The following HPSE2 variants were observed in gnomAD, a reference collection of about 807,000 sequenced individuals.
The protein encoded by HPSE2 is inactive heparanase-2.
A neutral mutation model predicts 60.5 loss-of-function variants in HPSE2; 38 were observed. The ratio of observed to expected loss-of-function variants is 0.63; its 90% CI spans 0.48 to 0.82. The LOEUF (loss-of-function observed/expected upper bound fraction) is 0.82, where lower values mean the gene tolerates loss of function less well. HPSE2 is among the 40% of genes least tolerant of loss of function. HPSE2 has a pLI of 0.00. For missense variants in HPSE2, 713 were observed against 740.4 expected (o/e 0.96, Z 0.43); for synonymous variants, 295 against 293.2 (o/e 1.01, Z -0.06).
intron 3 of HPSE2, among the ~76,000 whole-genome samples, chr10:99,067,851 A>G (rs1842663868): frequency 6.6e-6 from 1 of 152,206 alleles, no homozygotes; most frequent in South Asian, 2.1e-4. Flanking sequence ...TCCTCAGAAA[A>G]TGGGTTTTTC....
At chr10:99,047,033 A>G (rs1371524904) in intron 3 of HPSE2, among the ~76,000 whole-genome samples, 1 of 152,184 alleles carries the variant, frequency 6.6e-6, no homozygotes, top group Non-Finnish European at 1.5e-5. Flanking sequence ...AGCACAAAGA[A>G]CAAATGTGGA....
chr10:98,589,058 T>C (rs1353770520), intron 9 of HPSE2, among the ~76,000 whole-genome samples: 1 of 152,122 alleles, frequency 6.6e-6, no homozygotes, highest in African/African-American at 2.4e-5. Flanking sequence ...TTTAAAAAAA[T>C]ATCTGATTGG....
intron 9 of HPSE2, among the ~76,000 whole-genome samples, chr10:98,498,213 C>T (rs1941916274): frequency 2.0e-5 from 3 of 152,240 alleles, no homozygotes; most frequent in African/African-American, 7.2e-5. Context: ...TGAGAGGACC[C>T]ACAGACCCTC....
At chr10:99,040,520 C>A (rs544829571) in intron 3 of HPSE2, among the ~76,000 whole-genome samples, 160 of 152,170 alleles carry the variant, frequency 1.1e-3, no homozygotes, top group Admixed American at 1.2e-3. Flanking sequence ...ATCTGTTTTT[C>A]ATCTTTTAAC....
At chr10:98,896,012 C>A (rs1953481347) in intron 3 of HPSE2, among the ~76,000 whole-genome samples, 1 of 150,914 alleles carries the variant, frequency 6.6e-6, no homozygotes, top group Non-Finnish European at 1.5e-5. Context: ...GTACAGCACA[C>A]CAGCATGGCA....
At chr10:99,132,209 GA>G in intron 3 of HPSE2, among the ~76,000 whole-genome samples, 1 of 20,496 alleles carries the variant, frequency 4.9e-5, no homozygotes, top group African/African-American at 7.5e-5. Context: ...GAGAGAGAGA[GA>G]GAGAGAGAGA....
chr10:99,190,104 T>C (rs969834258), intron 2 of HPSE2, among the ~76,000 whole-genome samples: 9 of 152,258 alleles, frequency 5.9e-5, no homozygotes, highest in Non-Finnish European at 1.2e-4. Context: ...TAGTGACTTA[T>C]CTAAATGAAC....
At chr10:98,612,392 TA>T (rs1945786275) in intron 9 of HPSE2, among the ~76,000 whole-genome samples, 1 of 152,260 alleles carries the variant, frequency 6.6e-6, no homozygotes, top group Non-Finnish European at 1.5e-5. Context: ...GCAAAATTAG[TA>T]TAAATAGTCA....
chr10:99,272,914 C>T, the HPSE2 span, among the ~76,000 whole-genome samples: 1 of 152,318 alleles, frequency 6.6e-6, no homozygotes, highest in African/African-American at 2.4e-5. Flanking sequence ...AGCAATCCCC[C>T]TACTGGGTAT....
At chr10:98,969,320 T>G (rs543447450) in intron 3 of HPSE2, among the ~76,000 whole-genome samples, 9 of 152,288 alleles carry the variant, frequency 5.9e-5, no homozygotes, top group South Asian at 4.1e-4. Flanking sequence ...AAAAGGTTTC[T>G]ATACTAATCT....
At chr10:99,116,783 G>A (rs547179875) in intron 3 of HPSE2, among the ~76,000 whole-genome samples, 20 of 152,278 alleles carry the variant, frequency 1.3e-4, no homozygotes, top group African/African-American at 3.6e-4. Context: ...ACAGTTGATG[G>A]GAAGTGGCAG....
At chr10:98,816,448 G>A (rs529516145) in intron 3 of HPSE2, among the ~76,000 whole-genome samples, 84 of 152,194 alleles carry the variant, frequency 5.5e-4, no homozygotes, top group African/African-American at 1.9e-3. Context: ...CCCTTGTGTT[G>A]TCGAGTACAT....
Position 98,458,582 on chromosome 10 carries a change from CT to C in HPSE2, c.*991del, listed in dbSNP as rs1342947289. ...TGATGACCTTGATTCACACTTTTTTCTTCTTTTTTAAAAATAATGATTTGAG... is the reference window on the plus strand; with the variant it reads ...TGATGACCTTGATTCACACTTTTTTCTCTTTTTTAAAAATAATGATTTGAG... On this transcript the variant is annotated 3_prime_UTR_variant, in exon 12 of 12. Transcript: ENST00000370552. 1 of 152,112 alleles carries C rather than the reference CT, an allele frequency of 6.6e-6. No homozygotes were observed. The highest frequency in any genetic ancestry group is 1.5e-5 in the Non-Finnish European group (1 of 67,994). The allele number at this position is 152,112 out of a possible 1,614,324, so 9.4% of individuals were successfully genotyped here. A position where few individuals can be genotyped will look rare whatever the true frequency, so the allele number is the denominator to read the frequency against.
chr10:98,643,836 C>T (rs1946699590), intron 6 of HPSE2, among the ~76,000 whole-genome samples: 1 of 152,170 alleles, frequency 6.6e-6, no homozygotes, highest in African/African-American at 2.4e-5. Flanking sequence ...ATACTTGCTA[C>T]TATATTATAT....
At chr10:99,295,761 C>T in the HPSE2 span, among the ~76,000 whole-genome samples, 6 of 152,190 alleles carry the variant, frequency 3.9e-5, no homozygotes, top group East Asian at 9.6e-4. Flanking sequence ...ACCTGAAACA[C>T]TCCACCCAAA....
intron 3 of HPSE2, among the ~76,000 whole-genome samples, chr10:99,055,420 C>T (rs1054086157): frequency 6.6e-6 from 1 of 152,030 alleles, no homozygotes; most frequent in African/African-American, 2.4e-5. Context: ...AAATAATACA[C>T]TTTGAAGAAG....
intron 9 of HPSE2, among the ~76,000 whole-genome samples, chr10:98,547,852 CA>C (rs753671632): frequency 1.3e-5 from 2 of 151,700 alleles, no homozygotes; most frequent in African/African-American, 2.4e-5. Context: ...CACACACACA[CA>C]AACTCAAGTG....
At chr10:98,525,733 G>C (rs998820488) in intron 9 of HPSE2, among the ~76,000 whole-genome samples, 3 of 152,142 alleles carry the variant, frequency 2.0e-5, no homozygotes, top group African/African-American at 7.2e-5. Flanking sequence ...ATATGGGAGT[G>C]GGATGGGTTG....
intron 6 of HPSE2, among the ~76,000 whole-genome samples, chr10:98,689,245 T>C (rs1353235891): frequency 6.6e-6 from 1 of 152,210 alleles, no homozygotes; most frequent in Admixed American, 6.5e-5. Flanking sequence ...TATTTGGTAT[T>C]AGCAATGAGG....
Sources: gnomAD v4.1 joint callset for allele counts (sites outside exome capture counted in the v4.1 genomes callset) on GRCh38, gnomAD v4.1.1 for gene constraint, MANE v1.5 for transcripts, NCBI Gene and HGNC (gene_info 2026-07-23, HGNC 2026-07-21) for gene names.